Variants in MYO9B observed in about 807,000 individuals in gnomAD.
MYO9B encodes the protein unconventional myosin-IXb.
Under a neutral mutation model 229.5 loss-of-function variants are expected in MYO9B, and 71 were observed. The ratio of observed to expected loss-of-function variants is 0.31; its 90% CI spans 0.26 to 0.38. The LOEUF (loss-of-function observed/expected upper bound fraction) is 0.38, where lower values mean the gene tolerates loss of function less well. Ranked by LOEUF, MYO9B falls within the 10% of genes least tolerant of loss-of-function variation. The probability of loss-of-function intolerance (pLI) is 1.00; values close to 1 mark genes in which losing one functional copy is unlikely to be tolerated. For missense variants in MYO9B, 2,255 were observed against 2,920.5 expected, an observed-to-expected ratio of 0.77 and a Z score of 5.25; for synonymous variants, 1,185 against 1,235.8, an observed-to-expected ratio of 0.96 and a Z score of 0.86.
intron 11 of MYO9B, among the ~76,000 whole-genome samples, chr19:17,170,670 A>AAC (rs2072714131): frequency 1.8e-5 from 2 of 113,090 alleles, no homozygotes; most frequent in African/African-American, 7.8e-5. Context: ...AAAAAAAAAA[A>AAC]AAAACTAGCT....
intron 1 of MYO9B, among the ~76,000 whole-genome samples, chr19:17,080,998 C>G (rs2057529122): frequency 6.6e-6 from 1 of 152,050 alleles, no homozygotes; most frequent in African/African-American, 2.4e-5. Flanking sequence ...GAGAAAAGGA[C>G]AAATTCAAAT....
intron 11 of MYO9B, among the ~76,000 whole-genome samples, chr19:17,171,812 T>C (rs886598967): frequency 1.3e-4 from 20 of 152,080 alleles, no homozygotes; most frequent in African/African-American, 4.6e-4. Flanking sequence ...CATTGTACTA[T>C]AGTCCCAGCT....
chr19:17,111,212 T>C (rs1407123337), intron 2 of MYO9B, among the ~76,000 whole-genome samples: 9 of 152,168 alleles, frequency 5.9e-5, no homozygotes, highest in Admixed American at 5.9e-4. Flanking sequence ...GTGGGCAGAC[T>C]GACCACCCCC....
At chr19:17,084,446 C>G (rs1416438028) in intron 1 of MYO9B, among the ~76,000 whole-genome samples, 1 of 152,104 alleles carries the variant, frequency 6.6e-6, no homozygotes, top group Non-Finnish European at 1.5e-5. Flanking sequence ...ACCCTCAGCA[C>G]TGCTGATATT....
chr19:17,154,022 G>C lies in MYO9B; in HGVS notation c.1054G>C (p.Glu352Gln). 2.5e-6 allele frequency: 4 copies of C among 1,613,756 alleles called. No individual in the cohort carries two copies. Among genetic ancestry groups the C allele is most frequent in the Non-Finnish European group, 3.4e-6 (4 of 1,179,882 alleles). The change falls in exon 5 of 40, where the codon GAA becomes CAA. Residue 352 changes from glutamate to glutamine, a missense_variant. Around this residue, in one of 7 missense-constraint regions of MYO9B, gnomAD observed 386 missense variants for 515.2 expected, o/e 0.75. Coordinates refer to ENST00000682292, the MANE Select transcript of MYO9B (RefSeq NM_004145.4). The stretch of plus-strand genomic sequence containing the variant: ...TGGGGTCAGCGAGGAAGAGCGCCAA[G>C]AATTTCAGCTCAAGCAGCCTGAAGA... The part of the protein sequence containing the change: ...LLGVSEEERQ[E>Q]FQLKQPEDYF...
At chr19:17,107,806 G>A (rs141383704) in intron 2 of MYO9B, among the ~76,000 whole-genome samples, 134 of 152,304 alleles carry the variant, frequency 8.8e-4, no homozygotes, top group Non-Finnish European at 1.6e-3. Flanking sequence ...ATCCTACCCC[G>A]GCATGACCTC....
chr19:17,112,242 G>C (rs2057854214), intron 2 of MYO9B, among the ~76,000 whole-genome samples: 1 of 152,204 alleles, frequency 6.6e-6, no homozygotes, highest in South Asian at 2.1e-4. Context: ...CCAGCAGGCT[G>C]CTTCGGGCGT....
At chr19:17,093,689 G>A (rs2057660375) in intron 1 of MYO9B, among the ~76,000 whole-genome samples, 1 of 22,214 alleles carries the variant, frequency 4.5e-5, no homozygotes, top group Admixed American at 6.2e-4. Context: ...TTTTTTGCGG[G>A]GGGTGGGGGG....
rs761528391 is a variant in MYO9B, at chr19:17,195,129, T to C, written c.3702T>C (p.Thr1234=). Residue 1234 remains threonine, a synonymous_variant, in exon 22 of 40, where the codon ACT becomes ACC. Transcript: ENST00000682292. This position sits in a 1 kb window ranked among gnomAD's most constrained non-coding sequence, Gnocchi z 4.5. ...CAGTTGGCAAGGTCTCTGAAGAAAC[T>C]GAGAAGACGCTGCCCAGTGGGAGCC... ...AMAVGKVSEE[T]EKTLPSGSPR... 8 of 1,611,666 alleles carry C rather than the reference T, an allele frequency of 5.0e-6. No individual in the cohort carries two copies. Among genetic ancestry groups the C allele is most frequent in the Non-Finnish European group, 6.8e-6 (8 of 1,179,530 alleles).
At chr19:17,119,008 C>G (rs143078176) in intron 2 of MYO9B, among the ~76,000 whole-genome samples, 27 of 152,232 alleles carry the variant, frequency 1.8e-4, no homozygotes, top group African/African-American at 6.3e-4. Context: ...TCACCTCTCC[C>G]CTACAAACCA....
chr19:17,197,439 G>GATAGATAGATAGATAC (rs2073057488), intron 22 of MYO9B, among the ~76,000 whole-genome samples: 1 of 151,078 alleles, frequency 6.6e-6, no homozygotes, highest in South Asian at 2.1e-4. Flanking sequence ...TAGATAGATA[G>GATAGATAGATAGATAC]ATAGATAGAT....
intron 1 of MYO9B, among the ~76,000 whole-genome samples, chr19:17,087,960 C>T (rs1400903757): frequency 4.0e-5 from 6 of 149,394 alleles, no homozygotes; most frequent in East Asian, 2.0e-4. Flanking sequence ...ATTAGCCAGG[C>T]GTGGTGGTGG....
At position 17,195,001 on chromosome 19, in the gene MYO9B, G is replaced by C. The variant is rs755166580; in HGVS notation, c.3574G>C (p.Glu1192Gln). ...CCAGGAGCAAGGGGTGAGTCTCCTGGAAGACAAAAAGGAGAGCAGAGAAGA... is the reference window on the plus strand; with the variant it reads ...CCAGGAGCAAGGGGTGAGTCTCCTGCAAGACAAAAAGGAGAGCAGAGAAGA... ...VTQEQGVSLLEDKKESREDET... is the reference protein window; with the variant it reads ...VTQEQGVSLLQDKKESREDET... Residue 1192 changes from glutamate (E) to glutamine (Q), a missense_variant, in exon 22 of 40, where the codon GAA becomes CAA. By Grantham distance (29) the Glu-to-Gln change is conservative. Coordinates refer to ENST00000682292, the MANE Select transcript of MYO9B (RefSeq NM_004145.4). The surrounding 1 kb of genome is among the most constrained non-coding windows in gnomAD (Gnocchi z 4.5). 21 of 1,613,052 alleles carry C rather than the reference G, an allele frequency of 1.3e-5. No homozygotes were observed. Among genetic ancestry groups the C allele is most frequent in the Admixed American group, 1.7e-5 (1 of 59,986 alleles).
chr19:17,206,938 T>G, intron 34 of MYO9B, 154 bp downstream of exon 34: 1 of 1,250,036 alleles, frequency 8.0e-7, no homozygotes, highest in Non-Finnish European at 1.1e-6. Context: ...GCCAGGCTGC[T>G]GGGCCGCCCG....
intron 2 of MYO9B, among the ~76,000 whole-genome samples, chr19:17,108,739 T>G (rs1325572924): frequency 6.6e-5 from 10 of 152,126 alleles, no homozygotes; most frequent in South Asian, 6.2e-4. Context: ...TTTTTTGAGA[T>G]AGAGTCTTGC....
intron 24 of MYO9B, 146 bp from the exon 25 acceptor site, chr19:17,200,147 A>G (rs1019587383): frequency 3.9e-6 from 4 of 1,016,486 alleles, no homozygotes; most frequent in Non-Finnish European, 5.6e-6. Flanking sequence ...TGCTGGGATT[A>G]CAGGCATAAG....
chr19:17,213,082 A>AC lies in MYO9B; in HGVS notation c.*772_*773insC, dbSNP rs1486609553. 2 of 152,278 alleles carry AC rather than the reference A, an allele frequency of 1.3e-5. No individual in the cohort carries two copies. The highest frequency in any genetic ancestry group is 4.8e-5 in the African/African-American group (2 of 41,454). 9.4% of individuals were successfully genotyped at this position (152,278 alleles called of 1,614,324 possible). A position where few individuals can be genotyped will look rare whatever the true frequency, so the allele number is the denominator to read the frequency against. On this transcript the variant is annotated 3_prime_UTR_variant, in exon 40 of 40. Coordinates refer to ENST00000682292, the MANE Select transcript of MYO9B (RefSeq NM_004145.4). Reference sequence around the variant, plus strand: ...TACCCACCCCGTGTGACAGAATAGGAGCCAGCGACTCAGGACTGCTCACGG... The same window carrying AC: ...TACCCACCCCGTGTGACAGAATAGGACGCCAGCGACTCAGGACTGCTCACGG...
Position 17,145,454 on chromosome 19 carries a change from A to G in MYO9B, c.898A>G (p.Ile300Val), listed in dbSNP as rs766211331. 1 of 1,613,890 alleles carries G rather than the reference A, an allele frequency of 6.2e-7. No homozygotes were observed. The highest frequency in any genetic ancestry group is 1.3e-5 in the African/African-American group (1 of 74,930). Residue 300 changes from isoleucine to valine, a missense_variant, in exon 3 of 40, where the codon ATC becomes GTC. Around this residue, in one of 7 missense-constraint regions of MYO9B, gnomAD observed 386 missense variants for 515.2 expected, o/e 0.75. Coordinates refer to ENST00000682292, the MANE Select transcript of MYO9B (RefSeq NM_004145.4). Reference protein sequence around the residue: ...NNNSSRFGKFIQVSYLESGIV... With the variant: ...NNNSSRFGKFVQVSYLESGIV... The stretch of plus-strand genomic sequence containing the variant: ...CAACTCCAGCCGGTTTGGGAAATTC[A>G]TCCAAGTCAGCTACCTAGAGAGTGG...
chr19:17,113,621 C>G (rs992166810), intron 2 of MYO9B, among the ~76,000 whole-genome samples: 4 of 152,112 alleles, frequency 2.6e-5, no homozygotes, highest in African/African-American at 9.7e-5. Flanking sequence ...CCGCAAGCTA[C>G]TGAAGGTCCC....
Sources: allele counts gnomAD v4.1 joint callset (sites outside exome capture counted in the v4.1 genomes callset), GRCh38; gene constraint gnomAD v4.1.1; regional missense constraint gnomAD v4.1.1; non-coding constraint Gnocchi (gnomAD v3.1); transcripts MANE v1.5; gene names NCBI Gene and HGNC (gene_info 2026-07-23, HGNC 2026-07-21).